The following CORO1C variants were observed in gnomAD, a reference collection of about 807,000 sequenced individuals.
The protein encoded by CORO1C is coronin-1C.
In CORO1C, 14 loss-of-function variants were observed where a neutral mutation model predicts 51.2. The observed-to-expected ratio is 0.27, with a 90% CI of 0.18 to 0.43. The LOEUF (loss-of-function observed/expected upper bound fraction) is 0.43, where lower values mean the gene tolerates loss of function less well. CORO1C is among the 20% of genes least tolerant of loss of function. The pLI, the probability that CORO1C is intolerant of heterozygous loss-of-function variation, is 1.00. For missense variants in CORO1C, 417 were observed against 607.8 expected, an observed-to-expected ratio of 0.69 and a Z score of 3.30; for synonymous variants, 181 against 210.5, an observed-to-expected ratio of 0.86 and a Z score of 1.21.
chr12:108,661,701 C>A lies in CORO1C; in HGVS notation c.448+328G>T, dbSNP rs567336768. ...GGAACACAGGGCTTCTGGCTCCCAA[C>A]AAAGTACACCTTCTACCATATCAGA... is the stretch of plus-strand genomic sequence containing the variant. On this transcript the variant is annotated intron_variant, in intron 4 of 10. Transcript: ENST00000261401. 7.9e-5 allele frequency among the ~76,000 whole-genome samples: 12 copies of A among 152,266 alleles called. No homozygotes were observed. In the South Asian group the frequency reaches 1.9e-3, roughly 24 times the overall value.
rs191109349 is a variant in CORO1C, at chr12:108,648,633, G to A, written c.1277C>T (p.Pro426Leu). ...ANKKCDLISI[P>L]KKTTDTASVQ... The stretch of plus-strand genomic sequence containing the variant: ...ACTGGCCGTGTCTGTGGTTTTCTTG[G>A]GGATGCTGATCAGGTCGCACTTCTT... Residue 426 changes from proline (P) to leucine (L), a missense_variant, in exon 10 of 11, where the codon CCC becomes CTC. By Grantham distance (98) the Pro-to-Leu change is moderately conservative. Transcript: ENST00000261401. 1.1e-5 allele frequency: 18 copies of A among 1,614,140 alleles called. No homozygotes were observed. The highest frequency in any genetic ancestry group is 1.4e-5 in the Non-Finnish European group (16 of 1,180,024).
In CORO1C at chr12:108,675,709, C is replaced by A. The variant is rs143793342; in HGVS notation, c.318+2563G>T. Among the ~76,000 whole-genome samples the A allele has an allele frequency of 3.7e-3, 567 of 152,284 alleles. 5 individuals are homozygous for A. Among genetic ancestry groups the A allele is most frequent in the African/African-American group, 0.013 (538 of 41,546 alleles). ...ACAAAATGACAGAATTTACTGTCAC[C>A]ATATTGCAACCCCTAGTGAATGACT... is the stretch of plus-strand genomic sequence containing the variant. On this transcript the variant is annotated intron_variant, in intron 3 of 10. Coordinates refer to ENST00000261401, the MANE Select transcript of CORO1C (RefSeq NM_014325.4).
At chr12:108,690,742 G>A (rs1249637686) in intron 2 of CORO1C, among the ~76,000 whole-genome samples, 3 of 152,078 alleles carry the variant, frequency 2.0e-5, no homozygotes, top group Admixed American at 6.5e-5. Context: ...GATGCTTCTG[G>A]GCTGAGAACA....
chr12:108,715,489 C>A (rs1402285524), intron 1 of CORO1C, among the ~76,000 whole-genome samples: 1 of 152,106 alleles, frequency 6.6e-6, no homozygotes, highest in Non-Finnish European at 1.5e-5. Flanking sequence ...ATGTTTACAA[C>A]CCTCCACATC....
At chr12:108,682,266 C>T (rs915068975) in intron 2 of CORO1C, among the ~76,000 whole-genome samples, 2 of 151,780 alleles carry the variant, frequency 1.3e-5, no homozygotes, top group Admixed American at 1.3e-4. Context: ...GTAGTAAATG[C>T]AAGATTAAGC....
chr12:108,677,072 T>C (rs1413298532), intron 3 of CORO1C, among the ~76,000 whole-genome samples: 1 of 152,178 alleles, frequency 6.6e-6, no homozygotes, highest in South Asian at 2.1e-4. Flanking sequence ...AAACAATGTT[T>C]CAGTCCACAG....
intron 2 of CORO1C, among the ~76,000 whole-genome samples, chr12:108,680,342 A>T (rs931204104): frequency 2.0e-5 from 3 of 152,198 alleles, no homozygotes; most frequent in Non-Finnish European, 4.4e-5. Flanking sequence ...GTTTCTTCAC[A>T]TTCCTCCACT....
At chr12:108,670,943 G>A (rs905320115) in intron 3 of CORO1C, among the ~76,000 whole-genome samples, 3 of 149,136 alleles carry the variant, frequency 2.0e-5, no homozygotes, top group African/African-American at 7.4e-5. Context: ...GAACACAAGA[G>A]CAAATAAACA....
At chr12:108,670,015 G>A (rs549062102) in intron 3 of CORO1C, among the ~76,000 whole-genome samples, 1 of 152,226 alleles carries the variant, frequency 6.6e-6, no homozygotes, top group East Asian at 1.9e-4. Flanking sequence ...GCCAATAAAA[G>A]GGCGACATTG....
intron 2 of CORO1C, among the ~76,000 whole-genome samples, chr12:108,692,995 A>C (rs961200431): frequency 2.0e-5 from 3 of 151,640 alleles, no homozygotes; most frequent in African/African-American, 4.8e-5. Flanking sequence ...ACAGGGTTTC[A>C]CCATGTTGGC....
intron 1 of CORO1C, among the ~76,000 whole-genome samples, chr12:108,723,605 C>T (rs1165943629): frequency 1.3e-5 from 2 of 152,238 alleles, no homozygotes; most frequent in African/African-American, 4.8e-5. Context: ...TGGGGACCCA[C>T]ACCCAGTTCC....
intron 7 of CORO1C, among the ~76,000 whole-genome samples, chr12:108,654,006 G>A (rs984246835): frequency 6.6e-6 from 1 of 152,188 alleles, no homozygotes; most frequent in Admixed American, 6.5e-5. Context: ...TGAAACACCA[G>A]TGTATCTTCT....
At chr12:108,663,202 C>T (rs1033341651) in intron 3 of CORO1C, among the ~76,000 whole-genome samples, 3 of 152,232 alleles carry the variant, frequency 2.0e-5, no homozygotes, top group Non-Finnish European at 2.9e-5. Context: ...TCAGAGCCTG[C>T]ACACATGGCT....
chr12:108,728,257 A>G (rs1294106055), intron 1 of CORO1C, among the ~76,000 whole-genome samples: 1 of 152,218 alleles, frequency 6.6e-6, no homozygotes, highest in Non-Finnish European at 1.5e-5. Context: ...ATAGCCAAAA[A>G]GGAAAAACAC....
At chr12:108,666,751 T>G (rs1439730622) in intron 3 of CORO1C, among the ~76,000 whole-genome samples, 1 of 152,200 alleles carries the variant, frequency 6.6e-6, no homozygotes, top group East Asian at 1.9e-4. Flanking sequence ...ATTTCACTTC[T>G]GGGAGCCTGA....
chr12:108,654,568 G>A (rs2032846520), intron 6 of CORO1C, among the ~76,000 whole-genome samples, 158 bp from the exon 7 acceptor site: 1 of 152,004 alleles, frequency 6.6e-6, no homozygotes, highest in Admixed American at 6.5e-5. Context: ...ACTCATACAT[G>A]GAAACAGCAA....
chr12:108,650,395 C>T (rs1219870128), intron 8 of CORO1C, among the ~76,000 whole-genome samples: 1 of 152,060 alleles, frequency 6.6e-6, no homozygotes, highest in African/African-American at 2.4e-5. Context: ...GTCCATACTG[C>T]TCTTGAACTC....
chr12:108,659,275 C>T (rs1228831958), intron 4 of CORO1C, among the ~76,000 whole-genome samples: 1 of 152,212 alleles, frequency 6.6e-6, no homozygotes, highest in Admixed American at 6.5e-5. Flanking sequence ...GGCTGGTAGA[C>T]CCAAGTGACT....
chr12:108,710,054 G>C (rs2035134651), intron 1 of CORO1C, among the ~76,000 whole-genome samples: 2 of 152,118 alleles, frequency 1.3e-5, no homozygotes, highest in African/African-American at 4.8e-5. Flanking sequence ...CAAAACATGG[G>C]AAATACAAAC....
Sources: gnomAD v4.1 joint callset for allele counts (sites outside exome capture counted in the v4.1 genomes callset) on GRCh38, gnomAD v4.1.1 for gene constraint, MANE v1.5 for transcripts, NCBI Gene and HGNC (gene_info 2026-07-23, HGNC 2026-07-21) for gene names.